SNTB1: variants seen among roughly 807,000 people sequenced by gnomAD.
The protein encoded by SNTB1 is beta-1-syntrophin.
A neutral mutation model predicts 48.9 loss-of-function variants in SNTB1; 36 were observed. The observed-to-expected ratio is 0.74, with a 90% CI of 0.56 to 0.97. The LOEUF is 0.97. SNTB1 is among the 50% of genes least tolerant of loss of function. SNTB1 has a pLI of 0.00. For synonymous variants in SNTB1, 299 were observed against 294.6 expected, an observed-to-expected ratio of 1.01 and a Z score of -0.15; for missense variants, 786 against 703.4, an observed-to-expected ratio of 1.12 and a Z score of -1.33.
chr8:120,804,901 C>T (rs1379671062), intron 1 of SNTB1, among the ~76,000 whole-genome samples: 1 of 152,162 alleles, frequency 6.6e-6, no homozygotes, highest in Non-Finnish European at 1.5e-5. Flanking sequence ...GACCAGATAC[C>T]CTTCCCATGG....
Position 120,811,594 on chromosome 8 carries a change from G to A in SNTB1, c.250C>T (p.Pro84Ser). ...AGHPGAGGAQ[P>S]PDSPAGVRTA... Reference sequence around the variant, plus strand: ...CGGACCCCGGCGGGCGAGTCCGGGGGCTGCGCGCCGCCCGCGCCCGGGTGC... The same window carrying A: ...CGGACCCCGGCGGGCGAGTCCGGGGACTGCGCGCCGCCCGCGCCCGGGTGC... Residue 84 changes from proline (P) to serine (S), a missense_variant, in exon 1 of 7, where the codon CCC (proline) becomes TCC (serine). Transcript: ENST00000517992. 6.4e-7 allele frequency: 1 copy of A among 1,567,466 alleles called. No individual in the cohort carries two copies. The highest frequency in any genetic ancestry group is 8.6e-7 in the Non-Finnish European group (1 of 1,159,530).
chr8:120,711,046 C>T (rs1433020087), intron 1 of SNTB1, among the ~76,000 whole-genome samples: 2 of 152,050 alleles, frequency 1.3e-5, no homozygotes, highest in Non-Finnish European at 2.9e-5. Flanking sequence ...TGTGCAAAAA[C>T]CAAAAACCAA....
At chr8:120,791,268 C>T (rs893799951) in intron 1 of SNTB1, among the ~76,000 whole-genome samples, 1 of 151,828 alleles carries the variant, frequency 6.6e-6, no homozygotes, top group African/African-American at 2.4e-5. Context: ...GAATCCGGAT[C>T]CTATTTCTCA....
rs1405146539 is a variant in SNTB1 at position 120,669,673 on chromosome 8, C to T, written c.788+24019G>A. On this transcript the variant is annotated intron_variant, in intron 2 of 6. Transcript: ENST00000517992. ...TTCACCGTGTTAGCCAGGATGGTCT[C>T]GATCTCCTGACCTCGTGATCCACCC... Among the ~76,000 whole-genome samples, 2 of 113,124 alleles carry T rather than the reference C, an allele frequency of 1.8e-5. 1 individual carries two copies. Among genetic ancestry groups the T allele is most frequent in the Non-Finnish European group, 3.4e-5 (2 of 59,544 alleles). 74.2% of individuals were successfully genotyped at this position (113,124 alleles called of 152,430 possible).
At chr8:120,688,834 C>A (rs941808233) in intron 2 of SNTB1, among the ~76,000 whole-genome samples, 1 of 152,042 alleles carries the variant, frequency 6.6e-6, no homozygotes, top group African/African-American at 2.4e-5. Flanking sequence ...TGACAGGGAG[C>A]CATTTTGACA....
chr8:120,750,507 C>T (rs945764582), intron 1 of SNTB1, among the ~76,000 whole-genome samples: 17 of 152,154 alleles, frequency 1.1e-4, no homozygotes, highest in African/African-American at 3.9e-4. Flanking sequence ...TTCATATTCA[C>T]TGTCTCTTAA....
intron 3 of SNTB1, among the ~76,000 whole-genome samples, chr8:120,616,610 C>A (rs184358918): frequency 2.1e-3 from 319 of 151,872 alleles, no homozygotes; most frequent in African/African-American, 7.5e-3. Flanking sequence ...AGCCACCATG[C>A]CAGGCCTAGC....
intron 2 of SNTB1, among the ~76,000 whole-genome samples, chr8:120,653,971 C>T (rs1387039555): frequency 3.1e-5 from 4 of 128,964 alleles, no homozygotes; most frequent in East Asian, 2.6e-4. Flanking sequence ...ACCCGGAAAG[C>T]GGAGCTTGCA....
chr8:120,750,725 A>G (rs1819199005), intron 1 of SNTB1, among the ~76,000 whole-genome samples: 1 of 152,132 alleles, frequency 6.6e-6, no homozygotes, highest in African/African-American at 2.4e-5. Flanking sequence ...TGTTCAGAGA[A>G]GAAGGATGCT....
At chr8:120,712,318 G>A (rs1187973174) in intron 1 of SNTB1, among the ~76,000 whole-genome samples, 2 of 151,520 alleles carry the variant, frequency 1.3e-5, no homozygotes, top group African/African-American at 4.9e-5. Context: ...AGGAGGCTGA[G>A]GCAGGAGAAT....
At chr8:120,734,433 C>T (rs960786871) in intron 1 of SNTB1, among the ~76,000 whole-genome samples, 2 of 138,346 alleles carry the variant, frequency 1.4e-5, no homozygotes, top group Non-Finnish European at 3.0e-5. Flanking sequence ...TGTGACAGAG[C>T]GAGATTCTGT....
chr8:120,546,766 G>A (rs1815388006), intron 5 of SNTB1, among the ~76,000 whole-genome samples: 1 of 151,860 alleles, frequency 6.6e-6, no homozygotes, highest in Admixed American at 6.6e-5. Context: ...CACCACACCG[G>A]GTTTCCAGTC....
In SNTB1 at chr8:120,796,006, T is replaced by C. The variant is rs193215683; in HGVS notation, c.571+15267A>G. ...TTGAATCTGTGCCGCCGCCTAAATC[T>C]CATGTCAATTTGTAATCCCCCAGGT... On this transcript the variant is annotated intron_variant, in intron 1 of 6. Coordinates refer to ENST00000517992, the MANE Select transcript of SNTB1 (RefSeq NM_021021.4). 4.7e-4 allele frequency among the ~76,000 whole-genome samples: 71 copies of C among 152,134 alleles called. 1 individual carries two copies. Among genetic ancestry groups the C allele is most frequent in the Non-Finnish European group, 1.5e-5 (1 of 67,954 alleles).
Position 120,811,261 on chromosome 8 carries a change from T to C in SNTB1, c.571+12A>G. ...CGCGCCCGGCGCGGCCCGCGCGCTG[T>C]TAACCCCTTACCTTCCAGCAGCACT... is the stretch of plus-strand genomic sequence containing the variant. On this transcript the variant is annotated intron_variant, in intron 1 of 6. Transcript: ENST00000517992. 6.3e-7 allele frequency: 1 copy of C among 1,582,470 alleles called. No individual in the cohort carries two copies. The highest frequency in any genetic ancestry group is 8.5e-7 in the Non-Finnish European group (1 of 1,170,818).
intron 1 of SNTB1, among the ~76,000 whole-genome samples, chr8:120,756,240 T>C (rs1819315668): frequency 6.6e-6 from 1 of 152,218 alleles, no homozygotes; most frequent in Admixed American, 6.5e-5. Flanking sequence ...TTTATATTTG[T>C]TGTCTGTTTC....
At chr8:120,784,383 T>C (rs929405861) in intron 1 of SNTB1, among the ~76,000 whole-genome samples, 4 of 152,068 alleles carry the variant, frequency 2.6e-5, no homozygotes, top group African/African-American at 9.7e-5. Context: ...TACAGAGGGA[T>C]GACTATACTA....
intron 1 of SNTB1, among the ~76,000 whole-genome samples, chr8:120,698,574 T>C (rs1395458478): frequency 1.3e-5 from 2 of 152,288 alleles, no homozygotes; most frequent in Middle Eastern, 3.4e-3. Flanking sequence ...AAGATTGCCA[T>C]TGGATTTCTT....
chr8:120,689,244 T>A (rs114513333), intron 2 of SNTB1, among the ~76,000 whole-genome samples: 1 of 152,302 alleles, frequency 6.6e-6, no homozygotes, highest in African/African-American at 2.4e-5. Flanking sequence ...ACTGAGGGGA[T>A]TAGCCCCAAG....
At chr8:120,801,008 T>C (rs1235070747) in intron 1 of SNTB1, among the ~76,000 whole-genome samples, 1 of 152,080 alleles carries the variant, frequency 6.6e-6, no homozygotes, top group Non-Finnish European at 1.5e-5. Context: ...CTCTAAGTTT[T>C]GTATTCTGGG....
Sources: gnomAD v4.1 joint callset for allele counts (sites outside exome capture counted in the v4.1 genomes callset) on GRCh38, gnomAD v4.1.1 for gene constraint, MANE v1.5 for transcripts, NCBI Gene and HGNC (gene_info 2026-07-23, HGNC 2026-07-21) for gene names.